The following TAMM41 variants were observed in gnomAD, a reference collection of about 807,000 sequenced individuals.
The protein encoded by TAMM41 is TAM41 mitochondrial translocator assembly and maintenance homolog, also known as phosphatidate cytidylyltransferase, mitochondrial.
In TAMM41, 36 loss-of-function variants were observed where a neutral mutation model predicts 44.1. That is an observed-to-expected ratio of 0.82 (90% CI 0.63 to 1.08). The LOEUF (loss-of-function observed/expected upper bound fraction) is 1.08. Ranked by LOEUF, TAMM41 falls within the 50% of genes least tolerant of loss-of-function variation. The pLI is 0.00. For synonymous variants in TAMM41, 164 were observed against 153.1 expected (o/e 1.07, Z -0.53); for missense variants, 417 against 404.3 (o/e 1.03, Z -0.27).
chr3:11,754,571 G>T, the TAMM41 span, among the ~76,000 whole-genome samples: 1 of 151,780 alleles, frequency 6.6e-6, no homozygotes, highest in Non-Finnish European at 1.5e-5. Flanking sequence ...GTCTCTTTAT[G>T]TTGCCCAGGT....
At chr3:11,815,760 A>AAT (rs1224238281) in intron 5 of TAMM41, among the ~76,000 whole-genome samples, 2 of 152,142 alleles carry the variant, frequency 1.3e-5, no homozygotes, top group African/African-American at 2.4e-5. Context: ...GGATGGCAAA[A>AAT]ATAAAGTGTA....
At chr3:11,841,089 T>TTTTTTTTC (rs2079417620) in intron 2 of TAMM41, among the ~76,000 whole-genome samples, 1 of 142,932 alleles carries the variant, frequency 7.0e-6, no homozygotes, top group South Asian at 2.4e-4. Flanking sequence ...TTTTTTTTTT[T>TTTTTTTTC]TTTTTTTTTT....
At chr3:11,817,144 T>A in intron 5 of TAMM41, 48 bp downstream of exon 5, 3 of 1,574,638 alleles carry the variant, frequency 1.9e-6, no homozygotes, top group Non-Finnish European at 2.6e-6. Context: ...TTCCTGCAAA[T>A]AGCCTTTGTC....
the TAMM41 span, among the ~76,000 whole-genome samples, chr3:11,773,235 G>A: frequency 2.0e-5 from 3 of 152,036 alleles, no homozygotes; most frequent in African/African-American, 7.2e-5. Context: ...GGGATTACAG[G>A]TGTGAGCCAC....
the TAMM41 span, among the ~76,000 whole-genome samples, chr3:11,781,736 A>AAAT: frequency 0.21 from 25,516 of 122,546 alleles, 2,564 homozygotes; most frequent in Non-Finnish European, 0.23. Context: ...CTCCATCTCA[A>AAAT]AATAATAATA....
At chr3:11,785,677 C>G (rs1049542777), downstream of TAMM41, among the ~76,000 whole-genome samples, 1 of 151,504 alleles carries the variant, frequency 6.6e-6, no homozygotes, top group Non-Finnish European at 1.5e-5. Flanking sequence ...TGCAGTGCCA[C>G]GATCTCCGCT....
chr3:11,778,737 CTGA>C, the TAMM41 span, among the ~76,000 whole-genome samples: 16 of 151,960 alleles, frequency 1.1e-4, no homozygotes, highest in Non-Finnish European at 1.8e-4. Flanking sequence ...TTGCATTTCC[CTGA>C]TGATGAGTGA....
intron 4 of TAMM41, among the ~76,000 whole-genome samples, chr3:11,819,755 A>T (rs1204182087): frequency 1.3e-5 from 2 of 152,106 alleles, no homozygotes; most frequent in Non-Finnish European, 2.9e-5. Flanking sequence ...TAAGCATACC[A>T]AAACAAAAAA....
the TAMM41 span, among the ~76,000 whole-genome samples, chr3:11,763,251 G>A: frequency 6.6e-6 from 1 of 152,072 alleles, no homozygotes; most frequent in East Asian, 1.9e-4. Flanking sequence ...TGATCCTCTT[G>A]CCTCAGCCTA....
the TAMM41 span, among the ~76,000 whole-genome samples, chr3:11,735,842 C>T: frequency 2.0e-5 from 3 of 151,974 alleles, no homozygotes; most frequent in Admixed American, 6.6e-5. Context: ...CAGGCGAGGG[C>T]GCAGCAGGTG....
At chr3:11,823,512 C>T (rs1028480172) in intron 4 of TAMM41, among the ~76,000 whole-genome samples, 5 of 152,012 alleles carry the variant, frequency 3.3e-5, no homozygotes, top group African/African-American at 9.7e-5. Flanking sequence ...CAGCCTTGGC[C>T]TCCCAAAGTG....
chr3:11,821,974 T>C (rs886749429), intron 4 of TAMM41, among the ~76,000 whole-genome samples: 1 of 152,202 alleles, frequency 6.6e-6, no homozygotes, highest in Non-Finnish European at 1.5e-5. Context: ...AAAAATATCA[T>C]ATAAAATCAC....
At chr3:11,807,724 C>T (rs2077959634) in intron 7 of TAMM41, 109 bp downstream of exon 7, 1 of 1,536,008 alleles carries the variant, frequency 6.5e-7, no homozygotes, top group Non-Finnish European at 8.7e-7. Flanking sequence ...GCCATCAAAG[C>T]TCAGCATTTC....
At chr3:11,814,533 G>A (rs532765353) in intron 5 of TAMM41, among the ~76,000 whole-genome samples, 2 of 152,078 alleles carry the variant, frequency 1.3e-5, no homozygotes, top group South Asian at 4.2e-4. Flanking sequence ...AGGAAAAAAG[G>A]TTAAACCAGG....
At chr3:11,775,508 T>G in the TAMM41 span, among the ~76,000 whole-genome samples, 1 of 152,198 alleles carries the variant, frequency 6.6e-6, no homozygotes, top group Non-Finnish European at 1.5e-5. Context: ...GTTATAGATT[T>G]AGAGAGATGT....
At chr3:11,735,075 G>A in the TAMM41 span, among the ~76,000 whole-genome samples, 2 of 149,032 alleles carry the variant, frequency 1.3e-5, no homozygotes, top group African/African-American at 2.5e-5. Flanking sequence ...AAAAGCAAAT[G>A]TGACTCAGGC....
At chr3:11,842,524 T>A (rs1388994446) in intron 2 of TAMM41, among the ~76,000 whole-genome samples, 2 of 151,218 alleles carry the variant, frequency 1.3e-5, no homozygotes, top group African/African-American at 4.9e-5. Context: ...CAAAACCCTG[T>A]CTCTACAAAA....
chr3:11,813,776 C>CCTGT (rs2078166548), intron 5 of TAMM41, among the ~76,000 whole-genome samples: 1 of 150,462 alleles, frequency 6.6e-6, no homozygotes, highest in African/African-American at 2.5e-5. Context: ...AAAGTGGGAC[C>CCTGT]CTGTCTCTAC....
intron 7 of TAMM41, among the ~76,000 whole-genome samples, chr3:11,793,146 G>A (rs112698759): frequency 3.3e-5 from 5 of 151,388 alleles, no homozygotes; most frequent in African/African-American, 1.2e-4. Flanking sequence ...CAACAATGGA[G>A]TTGTGCCCCG....
Sources: allele counts gnomAD v4.1 joint callset (sites outside exome capture counted in the v4.1 genomes callset), GRCh38; gene constraint gnomAD v4.1.1; transcripts MANE v1.5; gene names NCBI Gene and HGNC (gene_info 2026-07-23, HGNC 2026-07-21).